The following GFI1 variants were observed in gnomAD, a reference collection of about 807,000 sequenced individuals.
GFI1 encodes zinc finger protein Gfi-1.
GFI1 carries 15 observed loss-of-function variants against 39.2 expected under a neutral mutation model. The observed-to-expected ratio is 0.38, with a 90% CI of 0.26 to 0.59. The LOEUF is 0.59. GFI1 is among the 20% of genes least tolerant of loss of function. The pLI is 0.62. For missense variants in GFI1, 475 were observed against 574.0 expected (o/e 0.83, Z 1.76); for synonymous variants, 239 against 254.3 (o/e 0.94, Z 0.57).
rs1471047162 is a variant in GFI1 at position 92,473,237 on chromosome 1, T to C, written c.*2792A>G. 2.7e-5 allele frequency among the ~76,000 whole-genome samples: 4 copies of C among 148,534 alleles called. No homozygotes were observed. The highest frequency in any genetic ancestry group is 9.9e-5 in the African/African-American group (4 of 40,366). On this transcript the variant is annotated 3_prime_UTR_variant, in exon 7 of 7. Transcript: ENST00000294702. ...AAATTACAATTCCTCACTTAGAGCA[T>C]AAACAGGGATAACAAAAATGGACCA... is the stretch of plus-strand genomic sequence containing the variant.
rs752177830 is a variant in GFI1, at chr1:92,473,746, G to A, written c.*2283C>T. 1.6e-4 allele frequency among the ~76,000 whole-genome samples: 24 copies of A among 152,158 alleles called. No individual in the cohort carries two copies. Among genetic ancestry groups the A allele is most frequent in the Non-Finnish European group, 2.6e-4 (18 of 68,026 alleles). ...CTCTCTTCCCTTTGTGCTGTAGAGA[G>A]CAGAGCCAGGCCCTAGGATGAAGCA... On this transcript the variant is annotated 3_prime_UTR_variant, in exon 7 of 7. Coordinates refer to ENST00000294702, the MANE Select transcript of GFI1 (RefSeq NM_005263.5).
chr1:92,482,177 AC>A lies in GFI1; in HGVS notation c.298+686del, dbSNP rs1354413857. On this transcript the variant is annotated intron_variant, in intron 3 of 6. Coordinates refer to ENST00000294702, the MANE Select transcript of GFI1 (RefSeq NM_005263.5). This position sits in a 1 kb window ranked among gnomAD's most constrained non-coding sequence, Gnocchi z 4.4. ...TGGTGGTATCTTCTAAAACTAGCAA[AC>A]ATATTCTGGATATAACCGGCCCTTG... Among the ~76,000 whole-genome samples, 8 of 151,552 alleles carry A rather than the reference AC, an allele frequency of 5.3e-5. No homozygotes were observed. Among genetic ancestry groups the A allele is most frequent in the African/African-American group, 1.7e-4 (7 of 41,218 alleles).
Position 92,480,452 on chromosome 1 carries a change from C to G in GFI1, c.820G>C (p.Val274Leu). The G allele has an allele frequency of 1.3e-6, 2 of 1,550,352 alleles. No homozygotes were observed. The highest frequency in any genetic ancestry group is 1.7e-6 in the Non-Finnish European group (2 of 1,146,644). Residue 274 changes from valine to leucine, a missense_variant, in exon 5 of 7, where the codon GTG becomes CTG. By Grantham distance (32) the Val-to-Leu change is conservative. This residue lies in a region of GFI1 where 112 missense variants were observed against 202.8 expected (regional missense o/e 0.55). Coordinates refer to ENST00000294702, the MANE Select transcript of GFI1 (RefSeq NM_005263.5). The surrounding 1 kb of genome is among the most constrained non-coding windows in gnomAD (Gnocchi z 5.6). ...CTGGTACCGCTGTGGGACCTGCGCA[C>G]GTGCACCTCGAGCCCGTGCGGCGTG... is the stretch of plus-strand genomic sequence containing the variant. ...FSTPHGLEVH[V>L]RRSHSGTRPF...
At chr1:92,485,780 C>CTGGTGGGT (rs1364383382) in intron 1 of GFI1, among the ~76,000 whole-genome samples, 2 of 152,234 alleles carry the variant, frequency 1.3e-5, no homozygotes, top group Non-Finnish European at 2.9e-5. Flanking sequence ...ATTTGGCTCC[C>CTGGTGGGT]CTGCCGAACC....
intron 1 of GFI1, among the ~76,000 whole-genome samples, chr1:92,486,282 C>G (rs866113985): frequency 5.9e-5 from 9 of 152,148 alleles, no homozygotes; most frequent in African/African-American, 2.2e-4. Flanking sequence ...CAGCCCGTCC[C>G]GCGCGCCCCT....
At position 92,474,508 on chromosome 1, in the gene GFI1, A is replaced by G. The variant is rs1255986441; in HGVS notation, c.*1521T>C. Among the ~76,000 whole-genome samples the G allele has an allele frequency of 6.6e-6, 1 of 152,238 alleles. No homozygotes were observed. Among genetic ancestry groups the G allele is most frequent in the Non-Finnish European group, 1.5e-5 (1 of 68,052 alleles). ...TGCCTGTGGAACCATCAGGGGCTCT[A>G]CAAGGTAGTAGCTTAGTTTTGTACA... On this transcript the variant is annotated 3_prime_UTR_variant, in exon 7 of 7. Coordinates refer to ENST00000294702, the MANE Select transcript of GFI1 (RefSeq NM_005263.5).
Position 92,481,162 on chromosome 1 carries a change from G to A in GFI1, c.299-74C>T. On this transcript the variant is annotated intron_variant, in intron 3 of 6. Coordinates refer to ENST00000294702, the MANE Select transcript of GFI1 (RefSeq NM_005263.5). The surrounding 1 kb of genome is among the most constrained non-coding windows in gnomAD (Gnocchi z 4.3). ...GGAGGCCGCCGGGCTGCGGCTGCGAGCGTGGCGTGTTCGCGGACTGCGGGG... is the reference window on the plus strand; with the variant it reads ...GGAGGCCGCCGGGCTGCGGCTGCGAACGTGGCGTGTTCGCGGACTGCGGGG... The A allele has an allele frequency of 7.5e-7, 1 of 1,335,422 alleles. No homozygotes were observed. Among genetic ancestry groups the A allele is most frequent in the Non-Finnish European group, 1.1e-6 (1 of 948,740 alleles). The allele number at this position is 1,335,422 out of a possible 1,614,324, so 82.7% of individuals were successfully genotyped here. A position where few individuals can be genotyped will look rare whatever the true frequency, so the allele number is the denominator to read the frequency against.
At position 92,478,694 on chromosome 1, in the gene GFI1, G is replaced by A. The variant is rs1571213109; in HGVS notation, c.984C>T (p.Ser328=). 2 of 1,613,216 alleles carry A rather than the reference G, an allele frequency of 1.2e-6. No homozygotes were observed. The highest frequency in any genetic ancestry group is 1.7e-6 in the Non-Finnish European group (2 of 1,179,820). Residue 328 remains serine (S), a synonymous_variant, in exon 6 of 7, where the codon TCC becomes TCT. Coordinates refer to ENST00000294702, the MANE Select transcript of GFI1 (RefSeq NM_005263.5). ...GKSFKRSSTL[S]THLLIHSDTR... is the part of the protein sequence containing the mutation. ...TGTCTGAGTGGATAAGCAGGTGTGT[G>A]GACAGTGTGGATGACCTCTTGAAGC...
chr1:92,483,161 G>T (rs1351324743), intron 2 of GFI1, 115 bp from the exon 3 acceptor site: 2 of 1,022,268 alleles, frequency 2.0e-6, no homozygotes, highest in African/African-American at 3.2e-5. Flanking sequence ...TCTCCACCCA[G>T]ACCCCGGCCG....
Position 92,478,689 on chromosome 1 carries a change from T to A in GFI1, c.989A>T (p.His330Leu), listed in dbSNP as rs1571213097. ...CCGAGTGTCTGAGTGGATAAGCAGGTGTGTGGACAGTGTGGATGACCTCTT... is the reference window on the plus strand; with the variant it reads ...CCGAGTGTCTGAGTGGATAAGCAGGAGTGTGGACAGTGTGGATGACCTCTT... The part of the protein sequence containing the change: ...SFKRSSTLST[H>L]LLIHSDTRPY... Residue 330 changes from histidine (H) to leucine (L), a missense_variant, in exon 6 of 7, where the codon CAC becomes CTC. Physicochemically the swap from His to Leu is moderately conservative, Grantham distance 99. Transcript: ENST00000294702. 1 of 1,613,316 alleles carries A rather than the reference T, an allele frequency of 6.2e-7. No individual in the cohort carries two copies.
intron 2 of GFI1, 133 bp from the exon 3 acceptor site, chr1:92,483,179 T>C: frequency 1.1e-6 from 1 of 891,230 alleles, no homozygotes. Flanking sequence ...CCGGGAACCC[T>C]CTCGGATCCG....
At position 92,485,750 on chromosome 1, in the gene GFI1, G is replaced by C. The variant is rs374420030; in HGVS notation, c.-100+976C>G. Among the ~76,000 whole-genome samples the C allele has an allele frequency of 8.5e-5, 13 of 152,348 alleles. No homozygotes were observed. In the East Asian group the frequency reaches 1.7e-3, roughly 20 times the overall value. Reference sequence around the variant, plus strand: ...CGCAGCTGCCGCCGCCTCCCCACCAGATGTTTCCTTCCCTGGTGGATTTGG... The same window carrying C: ...CGCAGCTGCCGCCGCCTCCCCACCACATGTTTCCTTCCCTGGTGGATTTGG... On this transcript the variant is annotated intron_variant, in intron 1 of 6. Coordinates refer to ENST00000294702, the MANE Select transcript of GFI1 (RefSeq NM_005263.5).
chr1:92,485,819 T>G (rs967019690), intron 1 of GFI1, among the ~76,000 whole-genome samples: 6 of 152,140 alleles, frequency 3.9e-5, no homozygotes, highest in Non-Finnish European at 5.9e-5. Context: ...CGCCCCCAGC[T>G]CCAGATTTCC....
At chr1:92,478,469 G>T in intron 6 of GFI1, 119 bp downstream of exon 6, 1 of 864,348 alleles carries the variant, frequency 1.2e-6, no homozygotes, top group Non-Finnish European at 1.9e-6. Context: ...TTAACACAGA[G>T]CAGAGAATAA....
rs779533629 is a variant in GFI1, at chr1:92,482,763, A to C, written c.298+101T>G. On this transcript the variant is annotated intron_variant, in intron 3 of 6. Transcript: ENST00000294702. The surrounding 1 kb of genome is among the most constrained non-coding windows in gnomAD (Gnocchi z 4.4). ...TCCCTTCTCCCGGAAAGACTCTCCA[A>C]CTCCCCGTTAGCATTTCTACGCCCA... The C allele has an allele frequency of 1.1e-6, 1 of 912,310 alleles. No individual in the cohort carries two copies. The highest frequency in any genetic ancestry group is 1.8e-6 in the Non-Finnish European group (1 of 559,492). The allele number at this position is 912,310 out of a possible 1,614,324, so 56.5% of individuals were successfully genotyped here.
intron 2 of GFI1, among the ~76,000 whole-genome samples, 163 bp from the exon 3 acceptor site, chr1:92,483,209 C>T (rs1658363855): frequency 6.6e-6 from 1 of 152,224 alleles, no homozygotes; most frequent in Admixed American, 6.5e-5. Context: ...GCAGAGAGGC[C>T]ATGGCACCTA....
At chr1:92,485,012 C>T (rs926983525) in intron 1 of GFI1, among the ~76,000 whole-genome samples, 15 of 152,212 alleles carry the variant, frequency 9.9e-5, no homozygotes, top group Admixed American at 6.5e-4. Context: ...GCGCTCTCAG[C>T]TCAAACGAGT....
In GFI1 at chr1:92,481,168, C is replaced by A. The variant is rs1214332173; in HGVS notation, c.299-80G>T. 3 of 1,272,428 alleles carry A rather than the reference C, an allele frequency of 2.4e-6. No homozygotes were observed. Among genetic ancestry groups the A allele is most frequent in the African/African-American group, 3.0e-5 (2 of 67,778 alleles). The allele number at this position is 1,272,428 out of a possible 1,614,324, so 78.8% of individuals were successfully genotyped here. On this transcript the variant is annotated intron_variant, in intron 3 of 6. Transcript: ENST00000294702. The surrounding 1 kb of genome is among the most constrained non-coding windows in gnomAD (Gnocchi z 4.3). The stretch of plus-strand genomic sequence containing the variant: ...CGCCGGGCTGCGGCTGCGAGCGTGG[C>A]GTGTTCGCGGACTGCGGGGCACCCA...
chr1:92,483,086 G>C (rs773052062), intron 2 of GFI1, 40 bp from the exon 3 acceptor site: 1 of 1,528,904 alleles, frequency 6.5e-7, no homozygotes, highest in Non-Finnish European at 8.8e-7. Context: ...GGCTGGGACC[G>C]GTTGAGTCTG....
Sources: allele counts gnomAD v4.1 joint callset (sites outside exome capture counted in the v4.1 genomes callset), GRCh38; gene constraint gnomAD v4.1.1; regional missense constraint gnomAD v4.1.1; non-coding constraint Gnocchi (gnomAD v3.1); transcripts MANE v1.5; gene names NCBI Gene and HGNC (gene_info 2026-07-23, HGNC 2026-07-21).